The following SHISA9 variants were observed in gnomAD, a reference collection of about 807,000 sequenced individuals.
The protein encoded by SHISA9 is protein shisa-9.
SHISA9 carries 13 observed loss-of-function variants against 38.0 expected under a neutral mutation model. That is an observed-to-expected ratio of 0.34 (90% CI 0.22 to 0.54). SHISA9 has a LOEUF of 0.54. Ranked by LOEUF, SHISA9 falls within the 20% of genes least tolerant of loss-of-function variation. The pLI is 0.91. For missense variants in SHISA9, 538 were observed against 575.8 expected (o/e 0.93, Z 0.67); for synonymous variants, 275 against 242.0 (o/e 1.14, Z -1.27).
chr16:13,287,519 A>T, the SHISA9 span, among the ~76,000 whole-genome samples: 3 of 152,220 alleles, frequency 2.0e-5, no homozygotes, highest in Non-Finnish European at 2.9e-5. Flanking sequence ...AACCATTCAG[A>T]TGCATTTGTG....
At chr16:13,282,432 T>C in the SHISA9 span, among the ~76,000 whole-genome samples, 3 of 152,038 alleles carry the variant, frequency 2.0e-5, no homozygotes, top group Non-Finnish European at 4.4e-5. Context: ...AGATTTTTTG[T>C]CTTTTGTTTT....
At chr16:13,003,211 T>C (rs1026484976) in intron 2 of SHISA9, among the ~76,000 whole-genome samples, 4 of 152,164 alleles carry the variant, frequency 2.6e-5, no homozygotes, top group African/African-American at 9.7e-5. Flanking sequence ...CTGCAGGTCT[T>C]GTACGCCATG....
At chr16:12,921,319 A>G (rs1331165404) in intron 2 of SHISA9, among the ~76,000 whole-genome samples, 1 of 152,212 alleles carries the variant, frequency 6.6e-6, no homozygotes, top group African/African-American at 2.4e-5. Context: ...GACAGTTCCC[A>G]AACGGACTTA....
chr16:13,346,294 G>A, the SHISA9 span, among the ~76,000 whole-genome samples: 6 of 152,142 alleles, frequency 3.9e-5, no homozygotes, highest in South Asian at 6.2e-4. Flanking sequence ...AGCTTAAATC[G>A]GCTGCGACGC....
the SHISA9 span, among the ~76,000 whole-genome samples, chr16:13,382,440 G>A: frequency 2.1e-5 from 3 of 144,178 alleles, no homozygotes; most frequent in African/African-American, 5.2e-5. Context: ...GGTCAGGGGA[G>A]AATTTCTTGA....
the SHISA9 span, among the ~76,000 whole-genome samples, chr16:13,456,181 T>C: frequency 7.9e-5 from 12 of 152,250 alleles, no homozygotes; most frequent in African/African-American, 1.7e-4. Flanking sequence ...TGAATCTGAA[T>C]GACTTCGTCA....
At chr16:13,528,854 A>G in the SHISA9 span, among the ~76,000 whole-genome samples, 2 of 152,268 alleles carry the variant, frequency 1.3e-5, no homozygotes, top group Admixed American at 6.5e-5. Flanking sequence ...CATACCCCAT[A>G]AAGTTTTAGT....
chr16:12,985,241 G>GTAAGTAAGTAAATAAA (rs375295293), intron 2 of SHISA9, among the ~76,000 whole-genome samples: 1 of 148,968 alleles, frequency 6.7e-6, no homozygotes, highest in East Asian at 2.0e-4. Context: ...AAATAAATAA[G>GTAAGTAAGTAAATAAA]TAAATAAATA....
chr16:13,188,562 A>T (rs2050851274), intron 2 of SHISA9, among the ~76,000 whole-genome samples: 1 of 151,970 alleles, frequency 6.6e-6, no homozygotes, highest in South Asian at 2.1e-4. Flanking sequence ...TACAAAAATA[A>T]AAAAATCAGC....
intron 2 of SHISA9, among the ~76,000 whole-genome samples, chr16:13,045,379 C>T (rs1474778046): frequency 6.6e-6 from 1 of 152,168 alleles, no homozygotes; most frequent in Non-Finnish European, 1.5e-5. Flanking sequence ...TGCAGGAATT[C>T]TGTCTCCAGA....
At chr16:13,407,381 C>A in the SHISA9 span, among the ~76,000 whole-genome samples, 2 of 152,072 alleles carry the variant, frequency 1.3e-5, no homozygotes, top group Non-Finnish European at 2.9e-5. Context: ...GGCAAGGGAT[C>A]TCTTTAGGGC....
chr16:13,196,114 AAG>A (rs2050937416), intron 2 of SHISA9, among the ~76,000 whole-genome samples: 3 of 131,130 alleles, frequency 2.3e-5, no homozygotes, highest in Admixed American at 7.8e-5. Context: ...AAAAAAAAAA[AAG>A]GCCAGGTGTG....
intron 2 of SHISA9, among the ~76,000 whole-genome samples, chr16:13,101,925 T>C (rs973672210): frequency 1.3e-5 from 2 of 152,262 alleles, no homozygotes; most frequent in Non-Finnish European, 2.9e-5. Context: ...AGATGTGAGC[T>C]TCTCTTGATG....
At chr16:13,449,921 C>T in the SHISA9 span, among the ~76,000 whole-genome samples, 1 of 152,080 alleles carries the variant, frequency 6.6e-6, no homozygotes, top group Non-Finnish European at 1.5e-5. Flanking sequence ...TTGAGACCAT[C>T]CTGGCTAACA....
chr16:13,011,319 A>ATTTTT (rs55755155), intron 2 of SHISA9, among the ~76,000 whole-genome samples: 14 of 127,690 alleles, frequency 1.1e-4, no homozygotes, highest in African/African-American at 2.6e-4. Flanking sequence ...ATTAGCACTC[A>ATTTTT]TTTTTTTTTT....
intron 3 of SHISA9, among the ~76,000 whole-genome samples, chr16:13,210,230 G>A (rs976986029): frequency 6.6e-6 from 1 of 152,078 alleles, no homozygotes; most frequent in Non-Finnish European, 1.5e-5. Context: ...ACAGAAAGTT[G>A]CCTGCACATT....
the SHISA9 span, among the ~76,000 whole-genome samples, chr16:13,489,389 C>T: frequency 2.4e-4 from 36 of 152,182 alleles, no homozygotes; most frequent in East Asian, 7.7e-4. Context: ...TGTTGTTAAG[C>T]GATGTATGAC....
the SHISA9 span, among the ~76,000 whole-genome samples, chr16:13,296,222 T>C: frequency 6.6e-6 from 1 of 152,028 alleles, no homozygotes; most frequent in Admixed American, 6.6e-5. Context: ...TTTTTGTTTT[T>C]TTTTTTTCTC....
chr16:13,088,945 G>T (rs1172756328), intron 2 of SHISA9, among the ~76,000 whole-genome samples: 1 of 152,146 alleles, frequency 6.6e-6, no homozygotes, highest in Non-Finnish European at 1.5e-5. Context: ...TTGGCTGTGG[G>T]TTTGTCTTAA....
Sources: allele counts gnomAD v4.1 joint callset (sites outside exome capture counted in the v4.1 genomes callset), GRCh38; gene constraint gnomAD v4.1.1; transcripts MANE v1.5; gene names NCBI Gene and HGNC (gene_info 2026-07-23, HGNC 2026-07-21).